The following ZNF804A variants were observed in gnomAD, a reference collection of about 807,000 sequenced individuals.
ZNF804A encodes the protein zinc finger protein 804A.
ZNF804A carries 2 observed loss-of-function variants against 16.5 expected under a neutral mutation model. The observed-to-expected ratio is 0.12, with a 90% CI of 0.05 to 0.38. The LOEUF is 0.38. Among genes scored for constraint, ZNF804A ranks in the 10% least tolerant of loss-of-function variants. The probability of loss-of-function intolerance (pLI) is 0.99; values close to 1 mark genes in which losing one functional copy is unlikely to be tolerated. For missense variants in ZNF804A, 1,473 were observed against 1,390.7 expected (o/e 1.06, Z -0.94); for synonymous variants, 534 against 489.6 (o/e 1.09, Z -1.20).
At position 184,938,445 on chromosome 2, in the gene ZNF804A, T is replaced by C. The variant is rs140103917; in HGVS notation, c.3049T>C (p.Phe1017Leu). 12 of 1,614,038 alleles carry C rather than the reference T, an allele frequency of 7.4e-6. No individual in the cohort carries two copies. The highest frequency in any genetic ancestry group is 9.3e-6 in the Non-Finnish European group (11 of 1,180,012). Reference protein sequence around the residue: ...FKEAHVSGHTFVTAEQILAPL... With the variant: ...FKEAHVSGHTLVTAEQILAPL... ...AGAAGCACATGTCAGTGGTCATACT[T>C]TTGTAACAGCTGAGCAAATCCTGGC... The change falls in exon 4 of 4, where the codon TTT becomes CTT. Residue 1017 changes from phenylalanine to leucine, a missense_variant. Coordinates refer to ENST00000302277, the MANE Select transcript of ZNF804A (RefSeq NM_194250.2).
intron 2 of ZNF804A, among the ~76,000 whole-genome samples, chr2:184,922,141 G>A (rs1258670703): frequency 2.0e-5 from 3 of 152,048 alleles, no homozygotes; most frequent in Non-Finnish European, 2.9e-5. Context: ...GAGATTGCTG[G>A]ATTGTATGGT....
intron 2 of ZNF804A, among the ~76,000 whole-genome samples, chr2:184,872,726 T>A (rs1695995191): frequency 6.6e-6 from 1 of 152,142 alleles, no homozygotes; most frequent in Admixed American, 6.5e-5. Flanking sequence ...AGTCCAAATG[T>A]CAGTATTTTT....
chr2:184,610,157 C>T (rs1002444195), intron 1 of ZNF804A, among the ~76,000 whole-genome samples: 2 of 152,130 alleles, frequency 1.3e-5, no homozygotes, highest in Non-Finnish European at 1.5e-5. Flanking sequence ...CGATGTGATG[C>T]CCTGTGCTGC....
chr2:184,927,983 A>G (rs1323440695), intron 2 of ZNF804A, among the ~76,000 whole-genome samples: 1 of 152,078 alleles, frequency 6.6e-6, no homozygotes, highest in Non-Finnish European at 1.5e-5. Context: ...CCTGTGGCAG[A>G]GCTTGTAGCT....
At chr2:184,865,106 T>G (rs938699972) in intron 1 of ZNF804A, among the ~76,000 whole-genome samples, 1 of 151,880 alleles carries the variant, frequency 6.6e-6, no homozygotes, top group African/African-American at 2.4e-5. Context: ...TCTTGAACTC[T>G]TGACCTCAAG....
chr2:184,684,554 T>G (rs1181020960), intron 1 of ZNF804A, among the ~76,000 whole-genome samples: 1 of 149,086 alleles, frequency 6.7e-6, no homozygotes, highest in East Asian at 1.9e-4. Flanking sequence ...TCATTTTTTG[T>G]TTTGTTTTCT....
intron 2 of ZNF804A, among the ~76,000 whole-genome samples, chr2:184,918,063 T>C (rs896483716): frequency 4.6e-5 from 7 of 152,128 alleles, no homozygotes. Flanking sequence ...TCCATTGATG[T>C]CAGTCACAGG....
chr2:184,660,196 A>G (rs886442849), intron 1 of ZNF804A, among the ~76,000 whole-genome samples: 5 of 152,232 alleles, frequency 3.3e-5, no homozygotes, highest in African/African-American at 1.2e-4. Flanking sequence ...TCCACAAAAC[A>G]CATAACATTT....
intron 2 of ZNF804A, among the ~76,000 whole-genome samples, chr2:184,891,064 C>T (rs1684977280): frequency 6.6e-6 from 1 of 152,042 alleles, no homozygotes. Context: ...GGTTTAGTTC[C>T]TCCATTTCCC....
intron 2 of ZNF804A, among the ~76,000 whole-genome samples, chr2:184,887,529 T>C (rs561677529): frequency 1.9e-3 from 293 of 152,294 alleles, no homozygotes; most frequent in Non-Finnish European, 3.5e-3. Flanking sequence ...ATGTAATTGA[T>C]ACTGGGAAGG....
intron 1 of ZNF804A, among the ~76,000 whole-genome samples, chr2:184,660,524 T>C (rs1692155565): frequency 6.6e-6 from 1 of 152,226 alleles, no homozygotes; most frequent in African/African-American, 2.4e-5. Flanking sequence ...TCTTGTCTTC[T>C]GTGCCCATAC....
intron 3 of ZNF804A, among the ~76,000 whole-genome samples, chr2:184,935,392 T>A (rs1192888000): frequency 2.0e-5 from 3 of 152,192 alleles, no homozygotes; most frequent in African/African-American, 7.2e-5. Flanking sequence ...TTTCATCATA[T>A]TTACCATATA....
At chr2:184,643,719 CAT>C (rs1251799354) in intron 1 of ZNF804A, among the ~76,000 whole-genome samples, 2 of 151,242 alleles carry the variant, frequency 1.3e-5, no homozygotes, top group African/African-American at 2.4e-5. Flanking sequence ...TATAGGTAAA[CAT>C]GTGCATATAA....
At chr2:184,712,755 C>T (rs995800978) in intron 1 of ZNF804A, among the ~76,000 whole-genome samples, 6 of 151,572 alleles carry the variant, frequency 4.0e-5, no homozygotes, top group African/African-American at 1.5e-4. Flanking sequence ...TTCTAATGAC[C>T]TTCAAGCTTT....
At chr2:184,613,767 G>C (rs1461929658) in intron 1 of ZNF804A, among the ~76,000 whole-genome samples, 3 of 152,056 alleles carry the variant, frequency 2.0e-5, no homozygotes, top group Non-Finnish European at 4.4e-5. Flanking sequence ...ACAAACCACT[G>C]CTCAAGGAAA....
chr2:184,684,415 T>A lies in ZNF804A; in HGVS notation c.111+85345T>A, dbSNP rs1692595780. The stretch of plus-strand genomic sequence containing the variant: ...ATTTGAAATTATAAAACTAAATTTA[T>A]TTTGTTTTATAAGCTCTATCTAATT... On this transcript the variant is annotated intron_variant, in intron 1 of 3. Coordinates refer to ENST00000302277, the MANE Select transcript of ZNF804A (RefSeq NM_194250.2). Among the ~76,000 whole-genome samples the A allele has an allele frequency of 3.3e-5, 5 of 152,350 alleles. No individual in the cohort carries two copies. The South Asian group carries it at 1.0e-3, about 32-fold the overall frequency.
chr2:184,813,851 G>C (rs1370161475), intron 1 of ZNF804A, among the ~76,000 whole-genome samples: 1 of 151,694 alleles, frequency 6.6e-6, no homozygotes. Context: ...ACTTTCTTTA[G>C]ACCTCTGCTA....
intron 1 of ZNF804A, among the ~76,000 whole-genome samples, chr2:184,670,388 T>A (rs1692323158): frequency 6.6e-6 from 1 of 152,070 alleles, no homozygotes; most frequent in Non-Finnish European, 1.5e-5. Context: ...ATTTTATTTT[T>A]TTTCTGGAAC....
chr2:184,696,661 A>T (rs1692836075), intron 1 of ZNF804A, among the ~76,000 whole-genome samples: 1 of 152,150 alleles, frequency 6.6e-6, no homozygotes, highest in Admixed American at 6.6e-5. Flanking sequence ...TTGACAATAC[A>T]GTTTTATTAT....
Sources: allele counts gnomAD v4.1 joint callset (sites outside exome capture counted in the v4.1 genomes callset), GRCh38; gene constraint gnomAD v4.1.1; transcripts MANE v1.5; gene names NCBI Gene and HGNC (gene_info 2026-07-23, HGNC 2026-07-21).